Variants in SHOC1 observed in about 807,000 individuals in gnomAD.
SHOC1 encodes protein shortage in chiasmata 1 ortholog.
Under a neutral mutation model 179.2 loss-of-function variants are expected in SHOC1, and 136 were observed. The observed-to-expected ratio is 0.76, with a 90% CI of 0.66 to 0.87. The LOEUF (loss-of-function observed/expected upper bound fraction) is 0.87, where lower values mean the gene tolerates loss of function less well. SHOC1 is among the 40% of genes least tolerant of loss of function. The probability of loss-of-function intolerance (pLI) is 0.00; values close to 1 mark genes in which losing one functional copy is unlikely to be tolerated. For synonymous variants in SHOC1, 489 were observed against 586.6 expected (o/e 0.83, Z 2.41); for missense variants, 1,538 against 1,700.8 (o/e 0.90, Z 1.68).
chr9:111,727,836 T>C lies in SHOC1; in HGVS notation c.1631A>G (p.Lys544Arg). The C allele has an allele frequency of 6.2e-7, 1 of 1,611,790 alleles. No homozygotes were observed. Among genetic ancestry groups the C allele is most frequent in the Non-Finnish European group, 8.5e-7 (1 of 1,179,316 alleles). ...AAGTTCAAAGTGATCGTTATTTTCT[T>C]TCTTTTGGATTATTCTGTTTACTGG... ...QEPVNRIIQK[K>R]ENNDHFELDC... The change falls in exon 13 of 28, where the codon AAA becomes AGA. Residue 544 changes from lysine (K) to arginine (R), a missense_variant. Coordinates refer to ENST00000682961, the MANE Select transcript of SHOC1 (RefSeq NM_001378211.1).
chr9:111,694,062 G>A (rs1350737227), intron 25 of SHOC1, 114 bp from the exon 26 acceptor site: 10 of 1,099,342 alleles, frequency 9.1e-6, no homozygotes, highest in Admixed American at 2.6e-5. Context: ...GTAGTCTTTC[G>A]AAAGTGATCC....
intron 16 of SHOC1, 22 bp from the exon 17 acceptor site, chr9:111,714,645 A>T: frequency 6.3e-7 from 1 of 1,586,382 alleles, no homozygotes; most frequent in Non-Finnish European, 8.6e-7. Flanking sequence ...AAATTAGAAA[A>T]AAATTGTCTA....
intron 15 of SHOC1, among the ~76,000 whole-genome samples, chr9:111,721,360 G>T (rs1589406253): frequency 6.6e-6 from 1 of 152,264 alleles, no homozygotes; most frequent in East Asian, 1.9e-4. Context: ...TTTGTTTTGA[G>T]ACGAAGTCTC....
intron 24 of SHOC1, among the ~76,000 whole-genome samples, chr9:111,698,734 G>C (rs538184345): frequency 4.0e-3 from 610 of 152,266 alleles, no homozygotes; most frequent in South Asian, 7.9e-3. Flanking sequence ...AGTATTCCTG[G>C]GGGAAGGCAG....
chr9:111,723,760 T>A, intron 14 of SHOC1, 32 bp downstream of exon 14: 1 of 1,600,990 alleles, frequency 6.2e-7, no homozygotes, highest in Non-Finnish European at 8.5e-7. Context: ...ACTAAGCAAA[T>A]CTGAAATGCA....
intron 18 of SHOC1, among the ~76,000 whole-genome samples, chr9:111,708,614 G>A (rs906103481): frequency 1.1e-4 from 16 of 152,154 alleles, no homozygotes; most frequent in African/African-American, 3.6e-4. Context: ...AAAAATTTAA[G>A]TACATAACTA....
chr9:111,707,799 C>T, intron 19 of SHOC1, 56 bp downstream of exon 19: 1 of 1,186,934 alleles, frequency 8.4e-7, no homozygotes, highest in South Asian at 1.4e-5. Context: ...GAAGATTTTG[C>T]TTTTCCTGTG....
At chr9:111,781,916 G>A (rs1836076354) in intron 3 of SHOC1, among the ~76,000 whole-genome samples, 1 of 151,852 alleles carries the variant, frequency 6.6e-6, no homozygotes, top group Non-Finnish European at 1.5e-5. Flanking sequence ...TAACATCTAA[G>A]CCTGTGCCTC....
chr9:111,713,113 A>G lies in SHOC1; in HGVS notation c.2475T>C (p.Leu825=). The stretch of plus-strand genomic sequence containing the variant: ...AAAACTGCCTACCTTCTATTTTGTT[A>G]AGAATTTTAATGAGAAAATGTTTTT... ...DGEKHFLIKI[L]NKIEGLTLTV... Residue 825 remains leucine (L), a synonymous_variant, in exon 18 of 28, where the codon CTT becomes CTC. Transcript: ENST00000682961. The G allele has an allele frequency of 1.9e-6, 3 of 1,562,752 alleles. No homozygotes were observed. The East Asian group carries it at 6.8e-5, about 35-fold the overall frequency.
chr9:111,786,066 T>C (rs1482032813), intron 2 of SHOC1, 31 bp from the exon 3 acceptor site: 6 of 1,395,940 alleles, frequency 4.3e-6, no homozygotes, highest in Non-Finnish European at 3.8e-6. Flanking sequence ...AGAAAATCTT[T>C]TAACATGTAC....
At chr9:111,693,563 A>G (rs1324484541) in intron 26 of SHOC1, among the ~76,000 whole-genome samples, 1 of 151,930 alleles carries the variant, frequency 6.6e-6, no homozygotes. Flanking sequence ...AGATTGTACC[A>G]TTGCACTCCA....
intron 10 of SHOC1, among the ~76,000 whole-genome samples, chr9:111,745,850 A>G (rs758077973): frequency 2.0e-5 from 3 of 152,242 alleles, no homozygotes; most frequent in Non-Finnish European, 4.4e-5. Context: ...CAATGTCCTA[A>G]GCATACTATT....
intron 13 of SHOC1, 68 bp from the exon 14 acceptor site, chr9:111,723,979 T>A (rs956209993): frequency 1.7e-6 from 2 of 1,187,164 alleles, no homozygotes; most frequent in East Asian, 2.6e-5. Context: ...TTTACCTTAA[T>A]TTTTTTTCTA....
At chr9:111,690,927 C>T (rs1266280277) in intron 27 of SHOC1, among the ~76,000 whole-genome samples, 2 of 152,134 alleles carry the variant, frequency 1.3e-5, no homozygotes, top group East Asian at 1.9e-4. Context: ...GGAAGGCCAC[C>T]TTTGTACGGC....
At chr9:111,720,730 T>C (rs1288872226) in intron 15 of SHOC1, among the ~76,000 whole-genome samples, 2 of 152,248 alleles carry the variant, frequency 1.3e-5, no homozygotes, top group Non-Finnish European at 2.9e-5. Context: ...CAATATTTAA[T>C]CTGCCATTAA....
chr9:111,781,340 A>G (rs968662569), intron 3 of SHOC1, among the ~76,000 whole-genome samples: 2 of 152,158 alleles, frequency 1.3e-5, no homozygotes, highest in Admixed American at 1.3e-4. Flanking sequence ...AGCTTCTATT[A>G]ACCATTCCAG....
intron 13 of SHOC1, among the ~76,000 whole-genome samples, chr9:111,726,458 T>C (rs1342914579): frequency 6.6e-6 from 1 of 152,216 alleles, no homozygotes; most frequent in Non-Finnish European, 1.5e-5. Flanking sequence ...AGATGCGGTC[T>C]CATTATGTTG....
At chr9:111,763,693 A>G (rs1835234516) in intron 5 of SHOC1, among the ~76,000 whole-genome samples, 1 of 152,176 alleles carries the variant, frequency 6.6e-6, no homozygotes, top group Admixed American at 6.5e-5. Flanking sequence ...GGAACGAAAA[A>G]ACTGACTAAA....
At chr9:111,724,586 C>G (rs1833215846) in intron 13 of SHOC1, among the ~76,000 whole-genome samples, 1 of 151,946 alleles carries the variant, frequency 6.6e-6, no homozygotes, top group South Asian at 2.1e-4. Context: ...TCTCAAACTC[C>G]TGGGCTCAAG....
Sources: gnomAD v4.1 joint callset for allele counts (sites outside exome capture counted in the v4.1 genomes callset) on GRCh38, gnomAD v4.1.1 for gene constraint, MANE v1.5 for transcripts, NCBI Gene and HGNC (gene_info 2026-07-23, HGNC 2026-07-21) for gene names.